PCP4: variants seen among roughly 807,000 people sequenced by gnomAD.
PCP4 encodes the protein calmodulin regulator protein PCP4.
PCP4 carries 8 observed loss-of-function variants against 10.0 expected under a neutral mutation model. The ratio of observed to expected loss-of-function variants is 0.80; its 90% CI spans 0.47 to 1.45. PCP4 has a LOEUF of 1.45. PCP4 is among the 40% of genes most tolerant of loss of function. The probability of loss-of-function intolerance (pLI) is 0.00; values close to 1 mark genes in which losing one functional copy is unlikely to be tolerated. For synonymous variants in PCP4, 21 were observed against 23.0 expected (o/e 0.91, Z 0.24); for missense variants, 54 against 74.4 (o/e 0.73, Z 1.01).
At chr21:39,869,499 T>C (rs1030792658) in intron 1 of PCP4, among the ~76,000 whole-genome samples, 1 of 152,182 alleles carries the variant, frequency 6.6e-6, no homozygotes, top group African/African-American at 2.4e-5. Flanking sequence ...CATCCCACTT[T>C]TCTGCCTCCC....
At chr21:39,874,903 G>T (rs568318352) in intron 1 of PCP4, among the ~76,000 whole-genome samples, 2 of 152,144 alleles carry the variant, frequency 1.3e-5, no homozygotes, top group African/African-American at 4.8e-5. Context: ...AAGTGGCTAC[G>T]GGCAGGTAGT....
At chr21:39,900,254 C>T (rs772412896) in intron 2 of PCP4, among the ~76,000 whole-genome samples, 4 of 152,086 alleles carry the variant, frequency 2.6e-5, no homozygotes, top group Admixed American at 6.5e-5. Context: ...AGGCTGGTCT[C>T]GAACTCCTGA....
At chr21:39,917,071 A>G (rs1387559211) in intron 2 of PCP4, among the ~76,000 whole-genome samples, 2 of 152,160 alleles carry the variant, frequency 1.3e-5, no homozygotes, top group African/African-American at 4.8e-5. Context: ...CATCCTACAC[A>G]TGTACCCTGG....
chr21:39,899,077 C>T (rs2087470670), intron 2 of PCP4, among the ~76,000 whole-genome samples: 1 of 152,018 alleles, frequency 6.6e-6, no homozygotes, highest in East Asian at 1.9e-4. Context: ...CAACCATGAC[C>T]CTAAATTGTA....
At chr21:39,879,924 A>G (rs1250261003) in intron 1 of PCP4, among the ~76,000 whole-genome samples, 1 of 152,154 alleles carries the variant, frequency 6.6e-6, no homozygotes, top group Non-Finnish European at 1.5e-5. Flanking sequence ...ATATCAGACC[A>G]AGCCAGGGCC....
intron 2 of PCP4, among the ~76,000 whole-genome samples, chr21:39,909,266 G>A (rs1207253034): frequency 6.6e-6 from 1 of 151,980 alleles, no homozygotes; most frequent in Non-Finnish European, 1.5e-5. Flanking sequence ...TTTTACTATC[G>A]CTTTTTCCTC....
chr21:39,869,695 A>C (rs2087310712), intron 1 of PCP4, among the ~76,000 whole-genome samples: 1 of 152,200 alleles, frequency 6.6e-6, no homozygotes, highest in Non-Finnish European at 1.5e-5. Flanking sequence ...ACTAAACCTC[A>C]AATCTGCTTA....
chr21:39,894,276 G>T (rs2087447143), intron 1 of PCP4, among the ~76,000 whole-genome samples: 1 of 152,146 alleles, frequency 6.6e-6, no homozygotes, highest in Admixed American at 6.5e-5. Flanking sequence ...TTCCCCAGAA[G>T]AAAAGATAGC....
At chr21:39,896,482 A>T (rs540039654) in intron 1 of PCP4, among the ~76,000 whole-genome samples, 90 of 152,346 alleles carry the variant, frequency 5.9e-4, no homozygotes, top group African/African-American at 2.0e-3. Context: ...CAACATAAGG[A>T]CAGACAAAAA....
chr21:39,901,765 G>T (rs949533171), intron 2 of PCP4, among the ~76,000 whole-genome samples: 25 of 152,280 alleles, frequency 1.6e-4, no homozygotes, highest in African/African-American at 5.5e-4. Context: ...ATGTATAAAT[G>T]TAAATTATTA....
intron 2 of PCP4, among the ~76,000 whole-genome samples, chr21:39,917,384 C>T (rs935755333): frequency 6.6e-6 from 1 of 152,154 alleles, no homozygotes; most frequent in Non-Finnish European, 1.5e-5. Flanking sequence ...TTCTAGTGCA[C>T]CTGCCTGGCC....
At chr21:39,923,906 T>C (rs933347758) in intron 2 of PCP4, among the ~76,000 whole-genome samples, 2 of 152,206 alleles carry the variant, frequency 1.3e-5, no homozygotes, top group Non-Finnish European at 2.9e-5. Context: ...TTGTCTAAGC[T>C]TTACAGTGAC....
rs56390958 is a variant in PCP4 at position 39,889,605 on chromosome 21, A to G, written c.10-8871A>G. 9.9e-3 allele frequency among the ~76,000 whole-genome samples: 1,363 copies of G among 137,494 alleles called. 6 individuals carry two copies. The highest frequency in any genetic ancestry group is 0.017 in the East Asian group (76 of 4,450). The allele number at this position is 137,494 out of a possible 152,430, so 90.2% of individuals were successfully genotyped here. ...CTAATTTTTTGTATTTTTAGTAGAG[A>G]TGGGGTTTCACTGTGTTAGCCAGGA... is the stretch of plus-strand genomic sequence containing the variant. On this transcript the variant is annotated intron_variant, in intron 1 of 2. Transcript: ENST00000328619.
intron 2 of PCP4, among the ~76,000 whole-genome samples, chr21:39,918,595 A>G (rs1036325479): frequency 2.0e-5 from 3 of 152,342 alleles, no homozygotes; most frequent in Non-Finnish European, 2.9e-5. Context: ...AGCTAGAAGA[A>G]ATGCGAATTG....
chr21:39,873,649 G>A lies in PCP4; in HGVS notation c.9+6139G>A, dbSNP rs959022613. Among the ~76,000 whole-genome samples the A allele has an allele frequency of 3.9e-5, 6 of 152,048 alleles. 1 individual carries two copies. The highest frequency in any genetic ancestry group is 3.9e-4 in the Admixed American group (6 of 15,258). On this transcript the variant is annotated intron_variant, in intron 1 of 2. Transcript: ENST00000328619. ...TTCTTCTTCCCATTTTTCAAATGAG[G>A]TGCAATGTGAACAATGAATACAGAA...
intron 1 of PCP4, among the ~76,000 whole-genome samples, chr21:39,880,190 A>G (rs973016425): frequency 2.1e-5 from 3 of 143,620 alleles, no homozygotes; most frequent in African/African-American, 2.9e-5. Context: ...ATCTATATCT[A>G]TCTATATCTA....
At position 39,877,689 on chromosome 21, in the gene PCP4, C is replaced by A. The variant is rs567020425; in HGVS notation, c.9+10179C>A. Among the ~76,000 whole-genome samples, 155 of 152,096 alleles carry A rather than the reference C, an allele frequency of 1.0e-3. 1 individual carries two copies. Among genetic ancestry groups the A allele is most frequent in the African/African-American group, 3.7e-3 (152 of 41,476 alleles). On this transcript the variant is annotated intron_variant, in intron 1 of 2. Transcript: ENST00000328619. The stretch of plus-strand genomic sequence containing the variant: ...TCCAGCCTGGACAACAGAGCCAGAT[C>A]CTGCCTCAAAACAAAAACAAATACA...
intron 1 of PCP4, chr21:39,883,690 A>C (rs7279820): frequency 5.3e-5 from 8 of 152,296 alleles, no homozygotes; most frequent in African/African-American, 1.9e-4. Flanking sequence ...AAACTGGTCA[A>C]ATAAAGAAGC....
rs139297848 is a variant in PCP4, at chr21:39,901,923, A to G, written c.61+3396A>G. The stretch of plus-strand genomic sequence containing the variant: ...CAGCCCAAGAAAGATGAGGGTAAAA[A>G]CTTCTAGAAGTAATCTAAAAAACAT... On this transcript the variant is annotated intron_variant, in intron 2 of 2. Coordinates refer to ENST00000328619, the MANE Select transcript of PCP4 (RefSeq NM_006198.3). Among the ~76,000 whole-genome samples, 449 of 152,326 alleles carry G rather than the reference A, an allele frequency of 2.9e-3. 4 individuals are homozygous for G. The highest frequency in any genetic ancestry group is 0.01 in the African/African-American group (421 of 41,584).
Sources: gnomAD v4.1 joint callset for allele counts (sites outside exome capture counted in the v4.1 genomes callset) on GRCh38, gnomAD v4.1.1 for gene constraint, MANE v1.5 for transcripts, NCBI Gene and HGNC (gene_info 2026-07-23, HGNC 2026-07-21) for gene names.